WWOX: variants seen among roughly 807,000 people sequenced by gnomAD.
The protein encoded by WWOX is WW domain-containing oxidoreductase.
WWOX carries 69 observed loss-of-function variants against 46.2 expected under a neutral mutation model. The observed-to-expected ratio is 1.49, with a 90% CI of 1.23 to 1.82. The LOEUF is 1.82. Ranked by LOEUF, WWOX falls within the 40% of genes most tolerant of loss-of-function variation. The pLI, the probability that WWOX is intolerant of heterozygous loss-of-function variation, is 0.00. For missense variants in WWOX, 919 were observed against 542.6 expected, an observed-to-expected ratio of 1.69 and a Z score of -6.89; for synonymous variants, 359 against 202.6, an observed-to-expected ratio of 1.77 and a Z score of -6.56.
At chr16:78,577,689 C>A (rs542590074) in intron 8 of WWOX, among the ~76,000 whole-genome samples, 6 of 152,278 alleles carry the variant, frequency 3.9e-5, no homozygotes, top group African/African-American at 1.4e-4. Context: ...TGGACAATTC[C>A]CCAATTCATA....
intron 8 of WWOX, among the ~76,000 whole-genome samples, chr16:78,879,429 A>T (rs1284862311): frequency 6.6e-6 from 1 of 151,976 alleles, no homozygotes; most frequent in Non-Finnish European, 1.5e-5. Flanking sequence ...CAAAATCCAC[A>T]TCTCATACTT....
intron 8 of WWOX, among the ~76,000 whole-genome samples, chr16:79,067,711 A>T (rs2048468828): frequency 6.6e-6 from 1 of 152,132 alleles, no homozygotes; most frequent in African/African-American, 2.4e-5. Flanking sequence ...GCAAGAAGGT[A>T]AACTCATCTG....
chr16:78,791,018 CA>C lies in WWOX; in HGVS notation c.1056+358289del, dbSNP rs775592585. Among the ~76,000 whole-genome samples, 407 of 62,414 alleles carry C rather than the reference CA, an allele frequency of 6.5e-3. 3 individuals carry two copies. The highest frequency in any genetic ancestry group is 0.034 in the South Asian group (42 of 1,236). The allele number at this position is 62,414 out of a possible 152,430, so 40.9% of individuals were successfully genotyped here. The stretch of plus-strand genomic sequence containing the variant: ...TGGGTGACAGATCCAGACCCTGTCT[CA>C]AAAAAAAAAAAAAAAAAAAAAAGTG... On this transcript the variant is annotated intron_variant, in intron 8 of 8. Transcript: ENST00000566780.
In WWOX at chr16:78,763,445, T is replaced by C. The variant is rs78214669; in HGVS notation, c.1056+330693T>C. Among the ~76,000 whole-genome samples the C allele has an allele frequency of 9.3e-3, 1,411 of 152,288 alleles. 23 individuals carry two copies. The highest frequency in any genetic ancestry group is 0.029 in the African/African-American group (1,187 of 41,552). On this transcript the variant is annotated intron_variant, in intron 8 of 8. Transcript: ENST00000566780. ...GGTCACATCTTCTGACCTCAAGTAGTTTATAGTCCAAAAAGACATTGGCTC... is the reference window on the plus strand; with the variant it reads ...GGTCACATCTTCTGACCTCAAGTAGCTTATAGTCCAAAAAGACATTGGCTC...
intron 8 of WWOX, among the ~76,000 whole-genome samples, chr16:79,036,015 C>A (rs1244343206): frequency 6.6e-6 from 1 of 152,156 alleles, no homozygotes; most frequent in East Asian, 1.9e-4. Flanking sequence ...CTTTTCCGTT[C>A]CTCCTTCCAG....
intron 8 of WWOX, among the ~76,000 whole-genome samples, chr16:78,520,439 C>T (rs983605747): frequency 3.3e-5 from 5 of 152,160 alleles, no homozygotes; most frequent in Admixed American, 1.3e-4. Context: ...GTGGAAAGCC[C>T]ATCAGTTTTA....
chr16:79,032,154 C>G (rs2047774641), intron 8 of WWOX, among the ~76,000 whole-genome samples: 2 of 144,024 alleles, frequency 1.4e-5, no homozygotes, highest in Non-Finnish European at 1.5e-5. Context: ...AAAACAAAGT[C>G]TATAAAAACT....
rs552258874 is a variant in WWOX, at chr16:78,390,657, G to A, written c.605+3709G>A. Among the ~76,000 whole-genome samples, 21 of 152,322 alleles carry A rather than the reference G, an allele frequency of 1.4e-4. 1 individual carries two copies. The South Asian group carries it at 4.4e-3, about 32-fold the overall frequency. On this transcript the variant is annotated intron_variant, in intron 6 of 8. Coordinates refer to ENST00000566780, the MANE Select transcript of WWOX (RefSeq NM_016373.4). ...TCTTGGATAGGCAGATGACAGTTTA[G>A]TACTTGCAGGTCTTTCGATTCTGAC...
intron 8 of WWOX, among the ~76,000 whole-genome samples, chr16:79,189,408 C>G (rs1303803633): frequency 1.3e-5 from 2 of 149,054 alleles, no homozygotes. Flanking sequence ...CAGGCATGCA[C>G]CACCACTCCC....
intron 8 of WWOX, among the ~76,000 whole-genome samples, chr16:78,849,983 A>C (rs1299957604): frequency 6.6e-6 from 1 of 152,082 alleles, no homozygotes; most frequent in Non-Finnish European, 1.5e-5. Flanking sequence ...GAGGCAGGAG[A>C]ATAGCTTGAA....
In WWOX at chr16:78,134,818, T is replaced by A. The variant is rs183791094; in HGVS notation, c.409+19664T>A. ...GCTTGATCTATGTTTTTCTCCATGT[T>A]AGATGTGAAAAGAACCAGGAGAGTG... is the stretch of plus-strand genomic sequence containing the variant. On this transcript the variant is annotated intron_variant, in intron 4 of 8. Transcript: ENST00000566780. 2.2e-4 allele frequency among the ~76,000 whole-genome samples: 34 copies of A among 152,308 alleles called. 1 individual carries two copies. In the Middle Eastern group the frequency reaches 0.01, roughly 46 times the overall value.
chr16:78,378,532 T>A (rs2081881843), intron 5 of WWOX, among the ~76,000 whole-genome samples: 1 of 152,222 alleles, frequency 6.6e-6, no homozygotes, highest in South Asian at 2.1e-4. Context: ...AAGTCCCACA[T>A]ATGATATTGA....
chr16:78,815,745 A>G (rs1216996440), intron 8 of WWOX, among the ~76,000 whole-genome samples: 1 of 152,244 alleles, frequency 6.6e-6, no homozygotes, highest in Non-Finnish European at 1.5e-5. Flanking sequence ...ACTGCAATGC[A>G]TCTGTCTGAG....
At chr16:79,204,701 A>AAGTT (rs1481325690) in intron 8 of WWOX, 1 of 152,222 alleles carries the variant, frequency 6.6e-6, no homozygotes, top group Non-Finnish European at 1.5e-5. Context: ...CTGATAGCCC[A>AAGTT]AGTTAACATC....
chr16:78,249,845 G>A (rs1195281899), intron 5 of WWOX, among the ~76,000 whole-genome samples: 1 of 152,076 alleles, frequency 6.6e-6, no homozygotes, highest in Non-Finnish European at 1.5e-5. Flanking sequence ...GTGGGGGCTG[G>A]GGGCTGGGGG....
intron 8 of WWOX, chr16:79,204,109 G>C (rs547733201): frequency 6.6e-6 from 1 of 152,022 alleles, no homozygotes; most frequent in East Asian, 1.9e-4. Flanking sequence ...CTTCTGCTTG[G>C]CTATTTCAAA....
intron 8 of WWOX, among the ~76,000 whole-genome samples, chr16:78,619,847 A>C (rs989142875): frequency 6.6e-6 from 1 of 152,190 alleles, no homozygotes; most frequent in South Asian, 2.1e-4. Context: ...AGGTTGAACC[A>C]TGATTGCACC....
chr16:78,827,833 C>T (rs115999588), intron 8 of WWOX, among the ~76,000 whole-genome samples: 134 of 152,112 alleles, frequency 8.8e-4, no homozygotes, highest in African/African-American at 2.7e-3. Context: ...AAGCAAGACA[C>T]CATTTCAGAG....
chr16:78,712,790 G>A (rs1051766381), intron 8 of WWOX, among the ~76,000 whole-genome samples: 7 of 152,058 alleles, frequency 4.6e-5, no homozygotes, highest in Admixed American at 1.3e-4. Flanking sequence ...AAAATAATGC[G>A]GAAAAAACTG....
Sources: allele counts gnomAD v4.1 joint callset (sites outside exome capture counted in the v4.1 genomes callset), GRCh38; gene constraint gnomAD v4.1.1; transcripts MANE v1.5; gene names NCBI Gene and HGNC (gene_info 2026-07-23, HGNC 2026-07-21).